SSUH2: variants seen among roughly 807,000 people sequenced by gnomAD.
SSUH2 encodes the protein protein SSUH2 homolog.
In SSUH2, 47 loss-of-function variants were observed where a neutral mutation model predicts 55.3. That is an observed-to-expected ratio of 0.85 (90% CI 0.67 to 1.08). The LOEUF (loss-of-function observed/expected upper bound fraction) is 1.08, where lower values mean the gene tolerates loss of function less well. SSUH2 is among the 50% of genes least tolerant of loss of function. The probability of loss-of-function intolerance (pLI) is 0.00; values close to 1 mark genes in which losing one functional copy is unlikely to be tolerated. For missense variants in SSUH2, 535 were observed against 490.7 expected (o/e 1.09, Z -0.85); for synonymous variants, 212 against 191.5 (o/e 1.11, Z -0.89).
intron 6 of SSUH2, among the ~76,000 whole-genome samples, chr3:8,661,308 A>G (rs1703464215): frequency 6.6e-6 from 1 of 152,192 alleles, no homozygotes; most frequent in African/African-American, 2.4e-5. Context: ...GCCATGCCCA[A>G]CAACTGTCTT....
chr3:8,667,940 G>A (rs1003504298), intron 5 of SSUH2, among the ~76,000 whole-genome samples: 13 of 152,104 alleles, frequency 8.5e-5, no homozygotes, highest in Non-Finnish European at 1.3e-4. Context: ...CACGGAGGGA[G>A]CTGGATGAAA....
intron 7 of SSUH2, 35 bp downstream of exon 7, chr3:8,629,629 C>T: frequency 1.6e-6 from 1 of 643,080 alleles, no homozygotes; most frequent in Non-Finnish European, 2.4e-6. Context: ...CCACCACACC[C>T]TCACTGACTC....
rs755706069 is a variant in SSUH2 at position 8,633,701 on chromosome 3, C to G, written c.304G>C (p.Val102Leu). The G allele has an allele frequency of 6.5e-7, 1 of 1,538,492 alleles. No individual in the cohort carries two copies. Among genetic ancestry groups the G allele is most frequent in the Non-Finnish European group, 8.7e-7 (1 of 1,143,038 alleles). Reference protein sequence around the residue: ...CYSSTVAGDLVIQELKRQTLC... With the variant: ...CYSSTVAGDLLIQELKRQTLC... ...GTCTGCCGCTTCAGCTCCTGGATGA[C>G]GAGGTCTCCAGCCACCGTGCTGCTG... The change falls in exon 4 of 12, where the codon GTC becomes CTC. Residue 102 changes from valine (V) to leucine (L), a missense_variant. Coordinates refer to ENST00000544814, the MANE Select transcript of SSUH2 (RefSeq NM_001256748.3).
chr3:8,643,856 C>T (rs191641), intron 1 of SSUH2, among the ~76,000 whole-genome samples: 16,919 of 152,154 alleles, frequency 0.11, 1,130 homozygotes, highest in South Asian at 0.16. Context: ...AAACCAATCT[C>T]GTTTTATAGA....
intron 2 of SSUH2, chr3:8,679,618 C>G (rs1705817702): frequency 1.1e-5 from 2 of 177,260 alleles, no homozygotes; most frequent in Admixed American, 6.6e-5. Context: ...TGGAGGCACC[C>G]CCGGTGAGGC....
At chr3:8,658,478 C>T (rs906429103) in intron 7 of SSUH2, among the ~76,000 whole-genome samples, 3 of 152,304 alleles carry the variant, frequency 2.0e-5, no homozygotes, top group Non-Finnish European at 2.9e-5. Flanking sequence ...CCTCCATTGG[C>T]GACTGGCTTG....
chr3:8,644,141 C>T (rs1179700563), intron 1 of SSUH2, among the ~76,000 whole-genome samples: 2 of 152,152 alleles, frequency 1.3e-5, no homozygotes, highest in Admixed American at 6.5e-5. Flanking sequence ...ATTTCTGTCC[C>T]GGTAGTGACA....
At chr3:8,629,033 T>C (rs1698206806) in intron 7 of SSUH2, among the ~76,000 whole-genome samples, 1 of 151,600 alleles carries the variant, frequency 6.6e-6, no homozygotes, top group African/African-American at 2.4e-5. Context: ...TTTTTTGTAT[T>C]TTTTTTTAGT....
At chr3:8,637,413 C>T (rs919540153) in intron 1 of SSUH2, among the ~76,000 whole-genome samples, 1 of 152,210 alleles carries the variant, frequency 6.6e-6, no homozygotes, top group Admixed American at 6.5e-5. Flanking sequence ...GCCCCTGAAG[C>T]ACTGGAAGGT....
chr3:8,644,194 G>A (rs1415378053), intron 1 of SSUH2, among the ~76,000 whole-genome samples: 1 of 152,194 alleles, frequency 6.6e-6, no homozygotes, highest in African/African-American at 2.4e-5. Flanking sequence ...GATAATGAAC[G>A]AACTGGCCGT....
At position 8,620,002 on chromosome 3, in the gene SSUH2, C is replaced by T; in HGVS notation, c.994G>A (p.Glu332Lys). 2 of 1,613,962 alleles carry T rather than the reference C, an allele frequency of 1.2e-6. No homozygotes were observed. The highest frequency in any genetic ancestry group is 1.7e-6 in the Non-Finnish European group (2 of 1,179,926). ...TGAACTTCTGTGAGGGGGATCAGCT[C>T]AATGGTCTGGCGCTGAGGAAACAAA... ...ARVLQQRQTIELIPLTEVHYW... is the reference protein window; with the variant it reads ...ARVLQQRQTIKLIPLTEVHYW... The change falls in exon 12 of 12, where the codon GAG becomes AAG. Residue 332 changes from glutamate (E) to lysine (K), a missense_variant. By Grantham distance (56) the Glu-to-Lys change is moderately conservative. Coordinates refer to ENST00000544814, the MANE Select transcript of SSUH2 (RefSeq NM_001256748.3).
At chr3:8,670,129 G>T (rs1704386060) in intron 5 of SSUH2, among the ~76,000 whole-genome samples, 1 of 152,142 alleles carries the variant, frequency 6.6e-6, no homozygotes, top group Admixed American at 6.5e-5. Context: ...AGACTCGGAA[G>T]AAACCCCTCC....
intron 11 of SSUH2, among the ~76,000 whole-genome samples, chr3:8,622,915 C>T (rs1027834375): frequency 2.6e-5 from 4 of 152,116 alleles, no homozygotes; most frequent in African/African-American, 4.8e-5. Flanking sequence ...ATGCAGGAAA[C>T]GCAGGATCTC....
At chr3:8,665,657 G>T (rs114330735) in intron 5 of SSUH2, among the ~76,000 whole-genome samples, 1,531 of 152,208 alleles carry the variant, frequency 0.01, 25 homozygotes, top group African/African-American at 0.034. Context: ...GTTCACCAAC[G>T]CAAAAGCCAA....
chr3:8,635,650 C>T (rs1699802057), intron 2 of SSUH2, 109 bp downstream of exon 2: 1 of 1,089,378 alleles, frequency 9.2e-7, no homozygotes, highest in Non-Finnish European at 1.3e-6. Context: ...CCCAGGGCCC[C>T]CCCAGGGAAA....
At chr3:8,620,611 A>G (rs1411238291) in intron 11 of SSUH2, among the ~76,000 whole-genome samples, 3 of 152,160 alleles carry the variant, frequency 2.0e-5, no homozygotes, top group Non-Finnish European at 2.9e-5. Context: ...TCTCATCTTT[A>G]GCTACCATTT....
intron 3 of SSUH2, among the ~76,000 whole-genome samples, chr3:8,674,946 C>T (rs556511633): frequency 6.6e-6 from 1 of 152,240 alleles, no homozygotes; most frequent in African/African-American, 2.4e-5. Flanking sequence ...AGGACCGGGT[C>T]CCCAGAGAAG....
At chr3:8,663,517 A>C (rs2125375983) in intron 6 of SSUH2, among the ~76,000 whole-genome samples, 1 of 150,762 alleles carries the variant, frequency 6.6e-6, no homozygotes, top group African/African-American at 2.4e-5. Context: ...GAGAAAATTA[A>C]GAAGGCGTGG....
intron 3 of SSUH2, among the ~76,000 whole-genome samples, chr3:8,677,012 A>G: frequency 8.7e-6 from 1 of 114,828 alleles, no homozygotes; most frequent in Non-Finnish European, 1.8e-5. Context: ...GGCTCTTGAG[A>G]CCTCCATCGC....
Sources: allele counts gnomAD v4.1 joint callset (sites outside exome capture counted in the v4.1 genomes callset), GRCh38; gene constraint gnomAD v4.1.1; transcripts MANE v1.5; gene names NCBI Gene and HGNC (gene_info 2026-07-23, HGNC 2026-07-21).